SURF1: variants seen among roughly 807,000 people sequenced by gnomAD.
The protein encoded by SURF1 is SURF1 cytochrome c oxidase assembly factor, also known as surfeit locus protein 1.
Under a neutral mutation model 34.1 loss-of-function variants are expected in SURF1, and 45 were observed. The ratio of observed to expected loss-of-function variants is 1.32; its 90% CI spans 1.04 to 1.69. The LOEUF is 1.69. Ranked by LOEUF, SURF1 falls within the 40% of genes most tolerant of loss-of-function variation. The pLI is 0.00. For missense variants in SURF1, 456 were observed against 384.6 expected (o/e 1.19, Z -1.55); for synonymous variants, 188 against 147.5 (o/e 1.27, Z -1.99).
At chr9:133,354,154 A>G (rs1343191518) in intron 4 of SURF1, 6 of 629,008 alleles carry the variant, frequency 9.5e-6, no homozygotes, top group African/African-American at 1.8e-5. Flanking sequence ...GGACTCCTCA[A>G]TGAATATTTT....
chr9:133,352,242 G>A (rs926272876), intron 7 of SURF1, 100 bp from the exon 8 acceptor site: 36 of 1,388,596 alleles, frequency 2.6e-5, no homozygotes, highest in Admixed American at 5.9e-5. Flanking sequence ...TGGAAGTCCT[G>A]TATGGCCTTT....
chr9:133,352,852 A>G, intron 5 of SURF1, 86 bp from the exon 6 acceptor site: 1 of 1,402,368 alleles, frequency 7.1e-7, no homozygotes, highest in Non-Finnish European at 9.8e-7. Context: ...CCATAGGAAC[A>G]ACTAGAGCAC....
Position 133,352,122 on chromosome 9 carries a change from G to C in SURF1, c.772C>G (p.Pro258Ala). ...ANFQSTVPGGPIGGQTRVTLR... is the reference protein window; with the variant it reads ...ANFQSTVPGGAIGGQTRVTLR... ...GTAACTCTGGTTTGCCCTCCAATGGGTCCTCCAGGGACTGTGCTCTCTGTG... is the reference window on the plus strand; with the variant it reads ...GTAACTCTGGTTTGCCCTCCAATGGCTCCTCCAGGGACTGTGCTCTCTGTG... Residue 258 changes from proline (P) to alanine (A), a missense_variant, in exon 8 of 9, where the codon CCC becomes GCC. Transcript: ENST00000371974. The C allele has an allele frequency of 6.2e-7, 1 of 1,605,012 alleles. No homozygotes were observed. The highest frequency in any genetic ancestry group is 1.1e-5 in the South Asian group (1 of 89,464).
intron 5 of SURF1, among the ~76,000 whole-genome samples, chr9:133,353,355 T>G (rs1836485638): frequency 6.6e-6 from 1 of 152,168 alleles, no homozygotes; most frequent in Non-Finnish European, 1.5e-5. Context: ...AACTCCCAAA[T>G]AGCCCTCTAG....
At position 133,351,952 on chromosome 9, in the gene SURF1, C is replaced by A. The variant is rs2130002903; in HGVS notation, c.864G>T (p.Leu288=). The change falls in exon 9 of 9, where the codon CTG becomes CTT. Residue 288 remains leucine, a synonymous_variant. Coordinates refer to ENST00000371974, the MANE Select transcript of SURF1 (RefSeq NM_003172.4). ...WYGLSAATSY[L]WFKKFLRGTP... Reference sequence around the variant, plus strand: ...TCCCACGTAGGAATTTCTTAAACCACAGGTAGGATGTAGCTGCAGAGAGTC... The same window carrying A: ...TCCCACGTAGGAATTTCTTAAACCAAAGGTAGGATGTAGCTGCAGAGAGTC... 4.3e-6 allele frequency: 7 copies of A among 1,613,864 alleles called. No homozygotes were observed. In the South Asian group the frequency reaches 7.7e-5, roughly 18 times the overall value.
At chr9:133,352,388 A>T (rs1236169905) in intron 7 of SURF1, 58 bp downstream of exon 7, 2 of 1,613,044 alleles carry the variant, frequency 1.2e-6, no homozygotes, top group East Asian at 4.5e-5. Flanking sequence ...GAGGGTTAGG[A>T]GGAAGGACAG....
intron 5 of SURF1, 43 bp downstream of exon 5, chr9:133,353,702 CCTGA>C (rs2130013926): frequency 2.5e-6 from 4 of 1,607,086 alleles, no homozygotes; most frequent in Non-Finnish European, 3.4e-6. Flanking sequence ...ATTAGTATAC[CCTGA>C]CTGCCTCTGC....
At chr9:133,352,378 G>A (rs1836446016) in intron 7 of SURF1, 68 bp downstream of exon 7, 2 of 1,610,914 alleles carry the variant, frequency 1.2e-6, no homozygotes, top group Admixed American at 1.7e-5. Flanking sequence ...ACTGGGCAAT[G>A]AGGGTTAGGA....
At chr9:133,354,577 G>C in intron 4 of SURF1, 82 bp downstream of exon 4, 1 of 1,547,024 alleles carries the variant, frequency 6.5e-7, no homozygotes, top group Non-Finnish European at 8.9e-7. Flanking sequence ...CCCACCAAAA[G>C]GGGCAAGCTG....
intron 2 of SURF1, among the ~76,000 whole-genome samples, chr9:133,355,201 G>A (rs2130020905): frequency 2.0e-5 from 3 of 152,332 alleles, no homozygotes; most frequent in East Asian, 1.9e-4. Context: ...ACGACCCTGA[G>A]TAACTCATGC....
intron 7 of SURF1, 26 bp downstream of exon 7, chr9:133,352,420 C>G: frequency 1.9e-6 from 3 of 1,614,146 alleles, no homozygotes; most frequent in African/African-American, 1.3e-5. Flanking sequence ...GCTACTTGTT[C>G]CGAGATGGGC....
At chr9:133,352,252 T>A in intron 7 of SURF1, 110 bp from the exon 8 acceptor site, 2 of 1,376,762 alleles carry the variant, frequency 1.5e-6, no homozygotes, top group Non-Finnish European at 2.0e-6. Flanking sequence ...GTATGGCCTT[T>A]ACGTTGGGTG....
chr9:133,353,256 T>G (rs1836482692), intron 5 of SURF1, among the ~76,000 whole-genome samples: 1 of 152,198 alleles, frequency 6.6e-6, no homozygotes, highest in South Asian at 2.1e-4. Context: ...TATTTTCATT[T>G]TTACGTGAAT....
At chr9:133,354,030 G>C in intron 4 of SURF1, 90 bp from the exon 5 acceptor site, 1 of 1,466,854 alleles carries the variant, frequency 6.8e-7, no homozygotes. Flanking sequence ...ACCAGGGCCA[G>C]ACAAGTGAAG....
At position 133,352,242 on chromosome 9, in the gene SURF1, G is replaced by C. The variant is rs2130005788; in HGVS notation, c.752-100C>G. The C allele has an allele frequency of 4.3e-6, 6 of 1,388,714 alleles. No homozygotes were observed. The East Asian group carries it at 1.5e-4, about 34-fold the overall frequency. The allele number at this position is 1,388,714 out of a possible 1,614,324, so 86.0% of individuals were successfully genotyped here. On this transcript the variant is annotated intron_variant, in intron 7 of 8. Coordinates refer to ENST00000371974, the MANE Select transcript of SURF1 (RefSeq NM_003172.4). ...TTTTGCGTGGCCAGTTGGAAGTCCTGTATGGCCTTTACGTTGGGTGACCAT... is the reference window on the plus strand; with the variant it reads ...TTTTGCGTGGCCAGTTGGAAGTCCTCTATGGCCTTTACGTTGGGTGACCAT...
intron 5 of SURF1, 124 bp downstream of exon 5, chr9:133,353,625 T>C (rs989746209): frequency 1.8e-6 from 2 of 1,088,038 alleles, no homozygotes; most frequent in Non-Finnish European, 2.8e-6. Context: ...GAATTGAATC[T>C]CCTGGGTATC....
Position 133,351,989 on chromosome 9 carries a change from G to C in SURF1, c.834-7C>G. The C allele has an allele frequency of 6.2e-7, 1 of 1,613,760 alleles. No homozygotes were observed. Among genetic ancestry groups the C allele is most frequent in the Non-Finnish European group, 8.5e-7 (1 of 1,179,890 alleles). On this transcript the variant is annotated splice_region_variant and splice_polypyrimidine_tract_variant and intron_variant, in intron 8 of 8. Transcript: ENST00000371974. ...AGCTGCAGAGAGTCCATACCTAGGG[G>C]TTGAAAGCAAGCCAGCATTAGCAGG...
chr9:133,355,659 C>G (rs1836555898), intron 2 of SURF1, among the ~76,000 whole-genome samples: 1 of 152,148 alleles, frequency 6.6e-6, no homozygotes, highest in South Asian at 2.1e-4. Context: ...AAAAATATAT[C>G]AATTCAGTAA....
Position 133,352,071 on chromosome 9 carries a change from T to A in SURF1, c.823A>T (p.Ile275Phe), listed in dbSNP as rs1050473947. ...VTLRNEHLQYIVTWYGLSAAT... is the reference protein window; with the variant it reads ...VTLRNEHLQYFVTWYGLSAAT... Reference sequence around the variant, plus strand: ...CCGCTGGGGACTCACCAGGTCACGATGTACTGCAGATGCTCGTTCCTCAGA... The same window carrying A: ...CCGCTGGGGACTCACCAGGTCACGAAGTACTGCAGATGCTCGTTCCTCAGA... The change falls in exon 8 of 9, where the codon ATC becomes TTC. Residue 275 changes from isoleucine to phenylalanine, a missense_variant. Transcript: ENST00000371974. The A allele has an allele frequency of 4.3e-6, 7 of 1,611,796 alleles. No homozygotes were observed. The highest frequency in any genetic ancestry group is 1.7e-5 in the Admixed American group (1 of 59,636).
Sources: allele counts gnomAD v4.1 joint callset (sites outside exome capture counted in the v4.1 genomes callset), GRCh38; gene constraint gnomAD v4.1.1; transcripts MANE v1.5; gene names NCBI Gene and HGNC (gene_info 2026-07-23, HGNC 2026-07-21).